Variants in GNE observed in about 807,000 individuals in gnomAD.
GNE encodes glucosamine (UDP-N-acetyl)-2-epimerase/N-acetylmannosamine kinase.
A neutral mutation model predicts 61.8 loss-of-function variants in GNE; 41 were observed. That is an observed-to-expected ratio of 0.66 (90% CI 0.52 to 0.86). The LOEUF is 0.86. Ranked by LOEUF, GNE falls within the 40% of genes least tolerant of loss-of-function variation. The probability of loss-of-function intolerance (pLI) is 0.00; values close to 1 mark genes in which losing one functional copy is unlikely to be tolerated. For missense variants in GNE, 608 were observed against 909.1 expected, an observed-to-expected ratio of 0.67 and a Z score of 4.26; for synonymous variants, 264 against 326.4, an observed-to-expected ratio of 0.81 and a Z score of 2.06.
intron 1 of GNE, among the ~76,000 whole-genome samples, chr9:36,267,199 C>A (rs1424126963): frequency 2.6e-5 from 4 of 152,116 alleles, no homozygotes; most frequent in African/African-American, 9.7e-5. Flanking sequence ...GGAAGATAAT[C>A]TTTTTGAAAT....
intron 1 of GNE, among the ~76,000 whole-genome samples, chr9:36,273,236 G>A (rs1411339849): frequency 1.4e-5 from 1 of 69,466 alleles, no homozygotes; most frequent in African/African-American, 4.5e-5. Flanking sequence ...TTTTTTTTTT[G>A]AGACAATGTC....
In GNE at chr9:36,246,405, T is replaced by G. The variant is rs758617859; in HGVS notation, c.242A>C (p.Glu81Ala). The change falls in exon 3 of 12, where the codon GAG becomes GCG. Residue 81 changes from glutamate to alanine, a missense_variant. Glu to Ala is a moderately radical substitution (Grantham distance 107, BLOSUM62 -1). Coordinates refer to ENST00000642385, the MANE Select transcript of GNE (RefSeq NM_005476.7). The stretch of plus-strand genomic sequence containing the variant: ...GCCTACTGACTCCACCATGGCTGCC[T>G]CATCTTCTCCCCTCACAATTGTGTG... ...RLHTIVRGED[E>A]AAMVESVGLA... 3.1e-6 allele frequency: 5 copies of G among 1,613,802 alleles called. No individual in the cohort carries two copies. Among genetic ancestry groups the G allele is most frequent in the African/African-American group, 1.3e-5 (1 of 75,066 alleles).
intron 1 of GNE, among the ~76,000 whole-genome samples, chr9:36,257,726 C>T (rs1162908450): frequency 7.7e-6 from 1 of 130,522 alleles, no homozygotes. Flanking sequence ...TGGCGTGAAC[C>T]TGGGAGGCGG....
In GNE at chr9:36,233,947, C is replaced by T; in HGVS notation, c.955G>A (p.Gly319Arg). The T allele has an allele frequency of 6.2e-7, 1 of 1,613,934 alleles. No homozygotes were observed. The highest frequency in any genetic ancestry group is 8.5e-7 in the Non-Finnish European group (1 of 1,179,816). ...GAFGTPVINL[G>R]TRQIGRETGE... The stretch of plus-strand genomic sequence containing the variant: ...GTTTCTCTTCCAATCTGACGTGTTC[C>T]CAGGTTGATCACAGGTGTTCCAAAA... The change falls in exon 5 of 12, where the codon GGA becomes AGA. Residue 319 changes from glycine (G) to arginine (R), a missense_variant. Coordinates refer to ENST00000642385, the MANE Select transcript of GNE (RefSeq NM_005476.7).
intron 1 of GNE, among the ~76,000 whole-genome samples, chr9:36,276,707 CTG>C (rs1283376371): frequency 3.3e-5 from 5 of 152,140 alleles, no homozygotes; most frequent in African/African-American, 1.2e-4. Context: ...GGCACAGTAA[CTG>C]AGAAGCAAGT....
chr9:36,265,921 TA>T (rs767666680), intron 1 of GNE, among the ~76,000 whole-genome samples: 8 of 152,244 alleles, frequency 5.3e-5, no homozygotes, highest in Non-Finnish European at 1.0e-4. Context: ...GCGGCCCAGT[TA>T]TTTTTTTATT....
Position 36,234,518 on chromosome 9 carries a change from G to C in GNE, c.770-386C>G, listed in dbSNP as rs186715925. Among the ~76,000 whole-genome samples the C allele has an allele frequency of 2.0e-5, 3 of 152,188 alleles. No individual in the cohort carries two copies. In the East Asian group the frequency reaches 5.8e-4, roughly 29 times the overall value. ...GGCTCCACACACCAAGCTGATGAGA[G>C]AGCCTCTGCCCAGCTACACTCACCT... On this transcript the variant is annotated intron_variant, in intron 4 of 11. Transcript: ENST00000642385.
intron 4 of GNE, 90 bp from the exon 5 acceptor site, chr9:36,234,222 C>G: frequency 9.7e-7 from 1 of 1,036,220 alleles, no homozygotes; most frequent in South Asian, 1.3e-5. Context: ...AAAGAAATCT[C>G]CCTAAAAAAA....
rs1554660090 is a variant in GNE at position 36,229,034 on chromosome 9, T to C, written c.1057A>G (p.Lys353Glu). The C allele has an allele frequency of 1.3e-6, 2 of 1,598,978 alleles. No homozygotes were observed. The highest frequency in any genetic ancestry group is 2.2e-5 in the East Asian group (1 of 44,790). The change falls in exon 6 of 12, where the codon AAA becomes GAA. Residue 353 changes from lysine to glutamate, a missense_variant. By Grantham distance (56) the Lys-to-Glu change is moderately conservative. Coordinates refer to ENST00000642385, the MANE Select transcript of GNE (RefSeq NM_005476.7). ...ILQALHLQFG[K>E]QYPCSKIYGD... ...TTTTATACTCACCAAGGGTACTGTT[T>C]ACCAAACTGAAGGTGCAGTGCTTGC...
chr9:36,217,425 G>T lies in GNE; in HGVS notation c.2109C>A (p.Asp703Glu), dbSNP rs1211781070. ...DVDVVVSDLV[D>E]PALLGAASMV... ...TGCTGGCAGCACCCAGCAGGGCGGG[G>T]TCAACCAAATCCGAAACCACCACAT... The change falls in exon 12 of 12, where the codon GAC becomes GAA. Residue 703 changes from aspartate (D) to glutamate (E), a missense_variant. Asp to Glu is a conservative substitution (Grantham distance 45, BLOSUM62 2). Transcript: ENST00000642385. 1.9e-6 allele frequency: 3 copies of T among 1,614,172 alleles called. No homozygotes were observed. Among genetic ancestry groups the T allele is most frequent in the Admixed American group, 3.3e-5 (2 of 60,022 alleles).
intron 1 of GNE, among the ~76,000 whole-genome samples, chr9:36,268,552 T>C (rs1830894327): frequency 6.6e-6 from 1 of 151,200 alleles, no homozygotes; most frequent in Non-Finnish European, 1.5e-5. Context: ...CTGGAGTAAC[T>C]AGCTACTCGG....
At chr9:36,266,470 G>A (rs1830793984) in intron 1 of GNE, among the ~76,000 whole-genome samples, 1 of 152,244 alleles carries the variant, frequency 6.6e-6, no homozygotes, top group Admixed American at 6.5e-5. Context: ...AAGCATGTAA[G>A]GATTAAGATT....
intron 5 of GNE, among the ~76,000 whole-genome samples, chr9:36,233,645 C>T (rs745808790): frequency 2.0e-5 from 3 of 147,076 alleles, no homozygotes; most frequent in Non-Finnish European, 4.5e-5. Flanking sequence ...CCAGCCTGGG[C>T]GACAGAGCGA....
chr9:36,276,182 A>G (rs1360198899), intron 1 of GNE, among the ~76,000 whole-genome samples: 1 of 152,102 alleles, frequency 6.6e-6, no homozygotes, highest in Admixed American at 6.6e-5. Flanking sequence ...TTAAACACAC[A>G]CACACACACA....
chr9:36,232,345 C>CCCCCA (rs1554660756), intron 5 of GNE, among the ~76,000 whole-genome samples: 4 of 126,386 alleles, frequency 3.2e-5, no homozygotes, highest in Non-Finnish European at 4.9e-5. Context: ...CGCCCCCCCT[C>CCCCCA]CCGACATTCC....
At chr9:36,272,620 C>CAAAAAAA (rs58934783) in intron 1 of GNE, among the ~76,000 whole-genome samples, 2 of 74,094 alleles carry the variant, frequency 2.7e-5, no homozygotes, top group East Asian at 4.2e-4. Context: ...GACTCCGCCT[C>CAAAAAAA]AAAAAAAAAA....
intron 1 of GNE, among the ~76,000 whole-genome samples, chr9:36,257,029 C>T (rs775108711): frequency 1.3e-4 from 20 of 152,082 alleles, no homozygotes; most frequent in Non-Finnish European, 1.9e-4. Flanking sequence ...CATGGTGAAA[C>T]CCCGTCTCTA....
chr9:36,262,384 CA>C (rs1481481754), upstream of GNE, among the ~76,000 whole-genome samples: 1 of 152,100 alleles, frequency 6.6e-6, no homozygotes, highest in Non-Finnish European at 1.5e-5. Flanking sequence ...GATCAAATTG[CA>C]GCAAGGACCC....
intron 6 of GNE, among the ~76,000 whole-genome samples, chr9:36,228,425 T>G (rs537068023): frequency 5.6e-4 from 85 of 152,268 alleles, no homozygotes; most frequent in Non-Finnish European, 9.3e-4. Context: ...TCAGTTACAT[T>G]ATTTTCTAAT....
Sources: gnomAD v4.1 joint callset for allele counts (sites outside exome capture counted in the v4.1 genomes callset) on GRCh38, gnomAD v4.1.1 for gene constraint, MANE v1.5 for transcripts, NCBI Gene and HGNC (gene_info 2026-07-23, HGNC 2026-07-21) for gene names.